DCC: variants seen among roughly 807,000 people sequenced by gnomAD.
The protein encoded by DCC is DCC netrin 1 receptor.
Under a neutral mutation model 172.5 loss-of-function variants are expected in DCC, and 58 were observed. That is an observed-to-expected ratio of 0.34 (90% CI 0.27 to 0.42). DCC has a LOEUF of 0.42. Ranked by LOEUF, DCC falls within the 10% of genes least tolerant of loss-of-function variation. The pLI is 1.00. For synonymous variants in DCC, 709 were observed against 644.5 expected (o/e 1.10, Z -1.52); for missense variants, 1,740 against 1,791.0 (o/e 0.97, Z 0.51).
At position 52,413,295 on chromosome 18, in the gene DCC, T is replaced by A. The variant is rs1457707568; in HGVS notation, c.91+72417T>A. 1.3e-5 allele frequency among the ~76,000 whole-genome samples: 2 copies of A among 151,144 alleles called. 1 individual carries two copies. Among genetic ancestry groups the A allele is most frequent in the African/African-American group, 4.9e-5 (2 of 41,102 alleles). ...TTTTTAAAAGCCTAACTATACTAGA[T>A]AGAAAAAGAAAACAGCTAACAATTA... On this transcript the variant is annotated intron_variant, in intron 1 of 28. Transcript: ENST00000442544.
rs1414530291 is a variant in DCC, at chr18:53,291,103, CG to C, written c.1912-14474del. Among the ~76,000 whole-genome samples, 23 of 151,684 alleles carry C rather than the reference CG, an allele frequency of 1.5e-4. No homozygotes were observed. The East Asian group carries it at 4.5e-3, about 30-fold the overall frequency. On this transcript the variant is annotated intron_variant, in intron 12 of 28. Coordinates refer to ENST00000442544, the MANE Select transcript of DCC (RefSeq NM_005215.4). ...GAATTGCTTGAACCCAGGAGGCGGA[CG>C]TTGCAGTGAGCTGAGATGGTGCCAC...
chr18:53,501,720 G>T (rs2046101752), intron 27 of DCC, among the ~76,000 whole-genome samples: 1 of 152,124 alleles, frequency 6.6e-6, no homozygotes, highest in African/African-American at 2.4e-5. Context: ...AGGCTACTAT[G>T]GCTACTTTAA....
rs369140038 is a variant in DCC at position 52,777,770 on chromosome 18, G to GGGAAAAAAA, written c.412+25396_412+25397insGGAAAAAAA. 9.6e-3 allele frequency among the ~76,000 whole-genome samples: 1,327 copies of GGGAAAAAAA among 138,730 alleles called. 15 individuals carry two copies. Among genetic ancestry groups the GGGAAAAAAA allele is most frequent in the African/African-American group, 0.024 (931 of 39,252 alleles). The allele number at this position is 138,730 out of a possible 152,430, so 91.0% of individuals were successfully genotyped here. On this transcript the variant is annotated intron_variant, in intron 2 of 28. Transcript: ENST00000442544. ...AGAATCTAGGAGGCAGATCTCCAGG[G>GGGAAAAAAA]AAAAAAAAAGATTTGGTAGAATCAG...
At chr18:52,505,196 A>G (rs2144635615) in intron 1 of DCC, among the ~76,000 whole-genome samples, 1 of 145,540 alleles carries the variant, frequency 6.9e-6, no homozygotes, top group Non-Finnish European at 1.5e-5. Context: ...GTCTGCCCCT[A>G]ACTGGATTTC....
intron 15 of DCC, among the ~76,000 whole-genome samples, chr18:53,385,400 GA>G (rs1194772216): frequency 1.3e-5 from 2 of 152,074 alleles, no homozygotes; most frequent in African/African-American, 4.8e-5. Flanking sequence ...GATACAGACT[GA>G]AAACTATGGC....
At chr18:52,764,934 A>G (rs1057241683) in intron 2 of DCC, among the ~76,000 whole-genome samples, 9 of 152,166 alleles carry the variant, frequency 5.9e-5, no homozygotes, top group Non-Finnish European at 1.0e-4. Context: ...TCACATCAGC[A>G]TACCATAGAA....
intron 1 of DCC, among the ~76,000 whole-genome samples, chr18:52,600,247 CTATT>C (rs2144815116): frequency 6.6e-6 from 1 of 152,284 alleles, no homozygotes; most frequent in East Asian, 1.9e-4. Context: ...GTCCCCAGCT[CTATT>C]TATTGAAATG....
chr18:52,744,743 C>G (rs1483054416), intron 1 of DCC, among the ~76,000 whole-genome samples: 1 of 152,180 alleles, frequency 6.6e-6, no homozygotes, highest in African/African-American at 2.4e-5. Context: ...AGCACACCCT[C>G]AGGCTACAGC....
Position 52,950,784 on chromosome 18 carries a change from G to A in DCC, c.985+25414G>A, listed in dbSNP as rs568889594. ...CTAAAAATAGAAAAAAATTAGCTGG[G>A]CGTGGTGGCGGGCGCCTGTAGTCCC... On this transcript the variant is annotated intron_variant, in intron 5 of 28. Transcript: ENST00000442544. 7.9e-5 allele frequency among the ~76,000 whole-genome samples: 12 copies of A among 151,728 alleles called. No individual in the cohort carries two copies. The South Asian group carries it at 2.5e-3, about 32-fold the overall frequency.
At chr18:52,734,389 C>A (rs1193440159) in intron 1 of DCC, among the ~76,000 whole-genome samples, 1 of 152,116 alleles carries the variant, frequency 6.6e-6, no homozygotes, top group African/African-American at 2.4e-5. Context: ...GTATCATACA[C>A]GTTTTTTTGT....
intron 5 of DCC, among the ~76,000 whole-genome samples, chr18:53,019,700 C>T (rs1050223604): frequency 5.9e-5 from 9 of 152,068 alleles, no homozygotes; most frequent in African/African-American, 1.9e-4. Context: ...AAATTAAGGA[C>T]CATGGATCAA....
At chr18:52,867,203 C>A (rs2039241720) in intron 2 of DCC, among the ~76,000 whole-genome samples, 1 of 152,308 alleles carries the variant, frequency 6.6e-6, no homozygotes, top group African/African-American at 2.4e-5. Context: ...ATATGTTGAA[C>A]CAGCCTTGCA....
intron 27 of DCC, among the ~76,000 whole-genome samples, chr18:53,525,455 T>C (rs2046444272): frequency 6.6e-6 from 1 of 152,138 alleles, no homozygotes; most frequent in Non-Finnish European, 1.5e-5. Context: ...TGAAAAGGTA[T>C]AAATATGAAG....
chr18:53,322,793 T>A (rs566296052), intron 14 of DCC, among the ~76,000 whole-genome samples: 1 of 151,648 alleles, frequency 6.6e-6, no homozygotes, highest in South Asian at 2.1e-4. Context: ...ACTAAATTTT[T>A]AAAATAAAAT....
chr18:52,373,186 T>C (rs1018347911), intron 1 of DCC, among the ~76,000 whole-genome samples: 4 of 152,068 alleles, frequency 2.6e-5, no homozygotes, highest in African/African-American at 9.7e-5. Flanking sequence ...CAAGGCAGAG[T>C]GAGGCAAACT....
intron 5 of DCC, among the ~76,000 whole-genome samples, chr18:52,953,864 GTTATC>G (rs1247167190): frequency 6.6e-5 from 10 of 152,334 alleles, no homozygotes; most frequent in South Asian, 4.1e-4. Context: ...AGATTGTGCT[GTTATC>G]TTATCTCCCT....
In DCC at chr18:52,959,189, G is replaced by T. The variant is rs963032024; in HGVS notation, c.985+33819G>T. Among the ~76,000 whole-genome samples, 7 of 152,092 alleles carry T rather than the reference G, an allele frequency of 4.6e-5. No individual in the cohort carries two copies. In the East Asian group the frequency reaches 1.4e-3, roughly 29 times the overall value. ...TTGTAAATAGGTCAAGAATTGAATC[G>T]TGTGAATGAAAGAGAGTAAAAACAG... On this transcript the variant is annotated intron_variant, in intron 5 of 28. Coordinates refer to ENST00000442544, the MANE Select transcript of DCC (RefSeq NM_005215.4).
chr18:53,406,372 G>C (rs945752851), intron 19 of DCC, among the ~76,000 whole-genome samples: 1 of 150,886 alleles, frequency 6.6e-6, no homozygotes, highest in African/African-American at 2.4e-5. Flanking sequence ...CTCTGGAAAA[G>C]TGTCTATAGT....
At chr18:52,422,471 T>G (rs1284824217) in intron 1 of DCC, among the ~76,000 whole-genome samples, 1 of 152,212 alleles carries the variant, frequency 6.6e-6, no homozygotes, top group Non-Finnish European at 1.5e-5. Flanking sequence ...ATCTTCTGTA[T>G]TCAATCCCAC....
Sources: allele counts gnomAD v4.1 joint callset (sites outside exome capture counted in the v4.1 genomes callset), GRCh38; gene constraint gnomAD v4.1.1; transcripts MANE v1.5; gene names NCBI Gene and HGNC (gene_info 2026-07-23, HGNC 2026-07-21).